The following AXIN1 variants were observed in gnomAD, a reference collection of about 807,000 sequenced individuals.
AXIN1 encodes the protein axin-1.
AXIN1 carries 30 observed loss-of-function variants against 76.4 expected under a neutral mutation model. The ratio of observed to expected loss-of-function variants is 0.39; its 90% CI spans 0.29 to 0.53. The LOEUF (loss-of-function observed/expected upper bound fraction) is 0.53, where lower values mean the gene tolerates loss of function less well. AXIN1 is among the 20% of genes least tolerant of loss of function. AXIN1 has a pLI of 0.66. For synonymous variants in AXIN1, 545 were observed against 501.4 expected (o/e 1.09, Z -1.16); for missense variants, 1,140 against 1,198.8 (o/e 0.95, Z 0.72).
At chr16:299,308 T>C in intron 5 of AXIN1, 2 of 891,542 alleles carry the variant, frequency 2.2e-6, no homozygotes, top group Non-Finnish European at 2.7e-6. Flanking sequence ...GTAAATCTGG[T>C]GTCAATACAA....
At chr16:342,067 C>T (rs140229627) in intron 2 of AXIN1, among the ~76,000 whole-genome samples, 1 of 151,782 alleles carries the variant, frequency 6.6e-6, no homozygotes, top group Non-Finnish European at 1.5e-5. Context: ...GCTGCGGGAG[C>T]CAGCAGTGGT....
intron 1 of AXIN1, among the ~76,000 whole-genome samples, chr16:351,814 A>C (rs1010746947): frequency 2.0e-5 from 3 of 152,078 alleles, no homozygotes; most frequent in African/African-American, 7.2e-5. Context: ...GTTTTTCTCT[A>C]CTTTCTTCAA....
chr16:306,297 A>T (rs1026115782), intron 4 of AXIN1, among the ~76,000 whole-genome samples: 4 of 152,206 alleles, frequency 2.6e-5, no homozygotes, highest in African/African-American at 9.6e-5. Context: ...TGACCCTGAT[A>T]CAATAACATC....
intron 1 of AXIN1, among the ~76,000 whole-genome samples, chr16:352,058 C>T (rs2054156857): frequency 6.6e-6 from 1 of 152,162 alleles, no homozygotes; most frequent in South Asian, 2.1e-4. Context: ...GAGTGTCCTC[C>T]TCCGGGACAG....
intron 3 of AXIN1, 67 bp downstream of exon 3, chr16:314,476 A>G (rs2141591600): frequency 6.2e-7 from 1 of 1,606,982 alleles, no homozygotes; most frequent in South Asian, 1.1e-5. Context: ...CTCAAGGGAC[A>G]AGGTGTCTGG....
At chr16:295,920 T>C (rs964304955) in intron 7 of AXIN1, among the ~76,000 whole-genome samples, 3 of 152,066 alleles carry the variant, frequency 2.0e-5, no homozygotes, top group Non-Finnish European at 4.4e-5. Context: ...TTAGCCAAGA[T>C]TGCACCACTG....
At chr16:309,514 A>G (rs112229857) in intron 4 of AXIN1, among the ~76,000 whole-genome samples, 2 of 152,158 alleles carry the variant, frequency 1.3e-5, no homozygotes, top group Non-Finnish European at 2.9e-5. Flanking sequence ...CCATTATTCT[A>G]TGCAACAGCG....
In AXIN1 at chr16:288,235, T is replaced by G; in HGVS notation, c.2476A>C (p.Lys826Gln). The change falls in exon 11 of 11, where the codon AAA becomes CAA. Residue 826 changes from lysine to glutamine, a missense_variant. Physicochemically the swap from Lys to Gln is moderately conservative, Grantham distance 53 (BLOSUM62 1). Around this residue, in one of 3 missense-constraint regions of AXIN1, gnomAD observed 429 missense variants for 405.8 expected, o/e 1.06. Coordinates refer to ENST00000262320, the MANE Select transcript of AXIN1 (RefSeq NM_003502.4). ...CCACAGTCAAACTCGTCGCTCACTT[T>G]CTTGAAGTAGTATCTGCAGGACGGA... ...KKGSYRYYFK[K>Q]VSDEFDCGVV... The G allele has an allele frequency of 6.2e-7, 1 of 1,613,610 alleles. No homozygotes were observed. Among genetic ancestry groups the G allele is most frequent in the Non-Finnish European group, 8.5e-7 (1 of 1,180,000 alleles).
At position 297,245 on chromosome 16, in the gene AXIN1, C is replaced by A. The variant is rs374918752; in HGVS notation, c.1785-19G>T. The A allele has an allele frequency of 6.2e-7, 1 of 1,602,962 alleles. No individual in the cohort carries two copies. The highest frequency in any genetic ancestry group is 8.5e-7 in the Non-Finnish European group (1 of 1,179,710). On this transcript the variant is annotated intron_variant, in intron 6 of 10. Coordinates refer to ENST00000262320, the MANE Select transcript of AXIN1 (RefSeq NM_003502.4). ...CTTCCCACTGCAAGGGCAAGAGCTGCGAGTCGCCCTGGCCTCCGGTGGCCG... is the reference window on the plus strand; with the variant it reads ...CTTCCCACTGCAAGGGCAAGAGCTGAGAGTCGCCCTGGCCTCCGGTGGCCG...
At chr16:331,629 C>T (rs1041373766) in intron 2 of AXIN1, among the ~76,000 whole-genome samples, 5 of 152,176 alleles carry the variant, frequency 3.3e-5, no homozygotes, top group Admixed American at 6.6e-5. Flanking sequence ...CAGCAGTAAG[C>T]GGACGCATAA....
intron 7 of AXIN1, among the ~76,000 whole-genome samples, chr16:296,092 C>G (rs1311506131): frequency 6.6e-6 from 1 of 152,198 alleles, no homozygotes; most frequent in African/African-American, 2.4e-5. Context: ...ACACTGAGAC[C>G]CCCTCTACAA....
intron 4 of AXIN1, among the ~76,000 whole-genome samples, chr16:305,546 TTTTG>T (rs1012578497): frequency 5.3e-5 from 8 of 151,872 alleles, no homozygotes; most frequent in Non-Finnish European, 1.2e-4. Flanking sequence ...TTTTGGTTTT[TTTTG>T]TTTTTGTTTT....
At chr16:298,752 C>T (rs1407122289) in intron 5 of AXIN1, among the ~76,000 whole-genome samples, 9 of 151,320 alleles carry the variant, frequency 5.9e-5, no homozygotes, top group African/African-American at 2.2e-4. Flanking sequence ...CTCAAGCAAT[C>T]TGCCTGCCTT....
intron 2 of AXIN1, 56 bp from the exon 3 acceptor site, chr16:314,739 T>G: frequency 1.2e-6 from 2 of 1,606,050 alleles, no homozygotes; most frequent in African/African-American, 1.3e-5. Flanking sequence ...CCTCTCATTT[T>G]ATTTCACATT....
At chr16:305,314 A>T (rs214238) in intron 4 of AXIN1, among the ~76,000 whole-genome samples, 42,713 of 151,698 alleles carry the variant, frequency 0.28, 7,488 homozygotes, top group African/African-American at 0.49. Flanking sequence ...ACAAACAAAA[A>T]TTTTTTTTAA....
chr16:315,944 T>C (rs1360103347), intron 2 of AXIN1, among the ~76,000 whole-genome samples: 1 of 151,744 alleles, frequency 6.6e-6, no homozygotes, highest in Non-Finnish European at 1.5e-5. Flanking sequence ...TCCCAGCTAC[T>C]TGGGAGGCTG....
chr16:349,708 C>CA (rs2054104592), intron 1 of AXIN1, among the ~76,000 whole-genome samples: 1 of 152,252 alleles, frequency 6.6e-6, no homozygotes, highest in Admixed American at 6.5e-5. Flanking sequence ...ACATTTGTCA[C>CA]AGACGCCAAA....
intron 1 of AXIN1, 81 bp from the exon 2 acceptor site, chr16:347,187 C>G: frequency 8.2e-7 from 1 of 1,212,142 alleles, no homozygotes; most frequent in Non-Finnish European, 1.2e-6. Context: ...AGACAAGACT[C>G]ACGATGACGC....
intron 2 of AXIN1, 111 bp downstream of exon 2, chr16:346,037 C>G (rs981911713): frequency 9.6e-7 from 1 of 1,046,884 alleles, no homozygotes; most frequent in African/African-American, 1.6e-5. Flanking sequence ...ACCCCAGCGG[C>G]AGCAGGACAT....
Sources: allele counts gnomAD v4.1 joint callset (sites outside exome capture counted in the v4.1 genomes callset), GRCh38; gene constraint gnomAD v4.1.1; regional missense constraint gnomAD v4.1.1; transcripts MANE v1.5; gene names NCBI Gene and HGNC (gene_info 2026-07-23, HGNC 2026-07-21).